FASTKD3: variants seen among roughly 807,000 people sequenced by gnomAD.
FASTKD3 encodes the protein FAST kinase domain-containing protein 3, mitochondrial.
Under a neutral mutation model 49.7 loss-of-function variants are expected in FASTKD3, and 47 were observed. The observed-to-expected ratio is 0.95, with a 90% CI of 0.75 to 1.21. The LOEUF (loss-of-function observed/expected upper bound fraction) is 1.21. FASTKD3 is among the 50% of genes most tolerant of loss of function. FASTKD3 has a pLI of 0.00. For synonymous variants in FASTKD3, 284 were observed against 288.6 expected, an observed-to-expected ratio of 0.98 and a Z score of 0.16; for missense variants, 748 against 765.7, an observed-to-expected ratio of 0.98 and a Z score of 0.27.
intron 4 of FASTKD3, 29 bp downstream of exon 4, chr5:7,862,794 A>G (rs1403089584): frequency 6.3e-7 from 1 of 1,580,508 alleles, no homozygotes; most frequent in Non-Finnish European, 8.6e-7. Flanking sequence ...GCTTAGGTTT[A>G]AAACAACAAA....
rs141321021 is a variant in FASTKD3 at position 7,867,823 on chromosome 5, G to A, written c.261C>T (p.Cys87=). Residue 87 remains cysteine (C), a synonymous_variant, in exon 2 of 7, where the codon TGC becomes TGT. Transcript: ENST00000264669. ...GGPVFSQVSD[C]DRLEQNVKNE... ...TTTTAACATTTTGTTCAAGCCTGTC[G>A]CAGTCAGATACTTGAGAGAACACTG... 50 of 1,613,982 alleles carry A rather than the reference G, an allele frequency of 3.1e-5. No individual in the cohort carries two copies. Among genetic ancestry groups the A allele is most frequent in the African/African-American group, 5.3e-5 (4 of 74,892 alleles).
At position 7,867,336 on chromosome 5, in the gene FASTKD3, T is replaced by G; in HGVS notation, c.748A>C (p.Thr250Pro). 2 of 1,614,050 alleles carry G rather than the reference T, an allele frequency of 1.2e-6. No individual in the cohort carries two copies. Among genetic ancestry groups the G allele is most frequent in the Non-Finnish European group, 1.7e-6 (2 of 1,180,032 alleles). ...INQLQGEKLETFTPEDIVALY... is the reference protein window; with the variant it reads ...INQLQGEKLEPFTPEDIVALY... The stretch of plus-strand genomic sequence containing the variant: ...GCCACAATATCCTCCGGGGTAAATG[T>G]TTCCAATTTTTCACCTTGAAGTTGA... The change falls in exon 2 of 7, where the codon ACA becomes CCA. Residue 250 changes from threonine to proline, a missense_variant. Transcript: ENST00000264669.
In FASTKD3 at chr5:7,866,754, G is replaced by A. The variant is rs1161516741; in HGVS notation, c.1330C>T (p.Pro444Ser). ...NVLFTHFNYF[P>S]PKSLLKLLHS... is the part of the protein sequence containing the mutation. Reference sequence around the variant, plus strand: ...AGAAGTTTCAATAATGATTTGGGTGGAAAATAATTGAAATGAGTGAATAGC... The same window carrying A: ...AGAAGTTTCAATAATGATTTGGGTGAAAAATAATTGAAATGAGTGAATAGC... Residue 444 changes from proline (P) to serine (S), a missense_variant, in exon 2 of 7, where the codon CCA (proline) becomes TCA (serine). By Grantham distance (74) the Pro-to-Ser change is moderately conservative. This residue lies in a region of FASTKD3 where 564 missense variants were observed against 562.8 expected (regional missense o/e 1.00). Transcript: ENST00000264669. 1 of 1,614,028 alleles carries A rather than the reference G, an allele frequency of 6.2e-7. No homozygotes were observed. Among genetic ancestry groups the A allele is most frequent in the Admixed American group, 1.7e-5 (1 of 60,022 alleles).
intron 2 of FASTKD3, 149 bp from the exon 3 acceptor site, chr5:7,866,132 T>C (rs1746929772): frequency 3.3e-6 from 2 of 605,534 alleles, no homozygotes; most frequent in Non-Finnish European, 5.8e-6. Flanking sequence ...TAGAATTAAT[T>C]ATGCCCTCCT....
intron 3 of FASTKD3, among the ~76,000 whole-genome samples, chr5:7,865,581 T>C (rs1161459705): frequency 4.6e-5 from 7 of 152,206 alleles, no homozygotes; most frequent in African/African-American, 1.7e-4. Context: ...AACAAACAGC[T>C]ATGGGAAACC....
intron 4 of FASTKD3, 114 bp downstream of exon 4, chr5:7,862,709 G>A: frequency 1.1e-6 from 1 of 891,344 alleles, no homozygotes; most frequent in East Asian, 2.4e-5. Context: ...TTCAGGGAAG[G>A]GACCATTCCA....
At position 7,861,594 on chromosome 5, in the gene FASTKD3, A is replaced by C. The variant is rs1429954981; in HGVS notation, c.1758T>G (p.Asp586Glu). ...GFVLPSTANE[D>E]IHKRIALCID... Reference sequence around the variant, plus strand: ...ACATTTTCCTGTACCTTTTATGGATATCTTCATTAGCTGTGGATGGCAATA... The same window carrying C: ...ACATTTTCCTGTACCTTTTATGGATCTCTTCATTAGCTGTGGATGGCAATA... Residue 586 changes from aspartate (D) to glutamate (E), a missense_variant, in exon 5 of 7, where the codon GAT becomes GAG. By Grantham distance (45) the Asp-to-Glu change is conservative. This residue lies in a region of FASTKD3 where 178 missense variants were observed against 182.2 expected (regional missense o/e 0.98). Transcript: ENST00000264669. 6.3e-7 allele frequency: 1 copy of C among 1,592,190 alleles called. No homozygotes were observed. The highest frequency in any genetic ancestry group is 1.3e-5 in the African/African-American group (1 of 74,220).
rs547016361 is a variant in FASTKD3 at position 7,862,765 on chromosome 5, C to G, written c.1699+58G>C. ...TCTATTGCTTCTAAGTCCCATATAT[C>G]TCCAAAATCGAACAGGATGCTTAGG... On this transcript the variant is annotated intron_variant, in intron 4 of 6. Transcript: ENST00000264669. 1.4e-5 allele frequency: 20 copies of G among 1,440,096 alleles called. No homozygotes were observed. In the South Asian group the frequency reaches 2.2e-4, roughly 16 times the overall value. The allele number at this position is 1,440,096 out of a possible 1,614,324, so 89.2% of individuals were successfully genotyped here.
chr5:7,861,696 C>T (rs377694398), intron 4 of FASTKD3, 44 bp from the exon 5 acceptor site: 1 of 1,584,926 alleles, frequency 6.3e-7, no homozygotes. Flanking sequence ...GATACCCTCA[C>T]AAACACTATC....
chr5:7,865,650 G>A (rs570652725), intron 3 of FASTKD3, among the ~76,000 whole-genome samples: 2 of 152,292 alleles, frequency 1.3e-5, no homozygotes, highest in African/African-American at 4.8e-5. Context: ...GAGAAATACT[G>A]TAACTCACAT....
chr5:7,864,529 A>C (rs1044693689), intron 3 of FASTKD3, among the ~76,000 whole-genome samples: 3 of 152,220 alleles, frequency 2.0e-5, no homozygotes, highest in African/African-American at 7.2e-5. Context: ...AATAGTTAAT[A>C]TCTGTTTTAC....
Position 7,862,872 on chromosome 5 carries a change from T to G in FASTKD3, c.1650A>C (p.Ala550=). 6.2e-7 allele frequency: 1 copy of G among 1,614,028 alleles called. No individual in the cohort carries two copies. Among genetic ancestry groups the G allele is most frequent in the Non-Finnish European group, 8.5e-7 (1 of 1,179,944 alleles). Residue 550 remains alanine (A), a synonymous_variant, in exon 4 of 7, where the codon GCA becomes GCC. Coordinates refer to ENST00000264669, the MANE Select transcript of FASTKD3 (RefSeq NM_024091.4). ...ACACTTTTGGAGCAAAATATAATCT[T>G]GCTCCTAAAAGGTTAGTCAGCCCAA... ...VKIGLTNLLG[A]RLYFAPKVLT...
At chr5:7,860,327 CCTT>C (rs1370754264) in intron 6 of FASTKD3, among the ~76,000 whole-genome samples, 4 of 152,248 alleles carry the variant, frequency 2.6e-5, no homozygotes, top group African/African-American at 9.6e-5. Flanking sequence ...TCACATAAGA[CCTT>C]CTTACATTAT....
chr5:7,867,438 G>C lies in FASTKD3; in HGVS notation c.646C>G (p.Arg216Gly), dbSNP rs201089424. 11 of 1,614,136 alleles carry C rather than the reference G, an allele frequency of 6.8e-6. No homozygotes were observed. The highest frequency in any genetic ancestry group is 9.3e-6 in the Non-Finnish European group (11 of 1,180,052). Residue 216 changes from arginine to glycine, a missense_variant, in exon 2 of 7, where the codon CGC (arginine) becomes GGC (glycine). This residue lies in a region of FASTKD3 where 564 missense variants were observed against 562.8 expected (regional missense o/e 1.00). Coordinates refer to ENST00000264669, the MANE Select transcript of FASTKD3 (RefSeq NM_024091.4). ...CTTTCCCCAAGAATACAAAGATTGC[G>C]AACTTCCATGCCACCTTTTCTGAGA... The part of the protein sequence containing the change: ...NRLRKGGMEV[R>G]NLCILGESLI...
Position 7,859,428 on chromosome 5 carries a change from T to A in FASTKD3, c.*7A>T, listed in dbSNP as rs1260270696. ...TTCTTCCATTGTTTGAGTTCTGAAG[T>A]CAGTATTCATTCTTGCAACCAATGA... On this transcript the variant is annotated 3_prime_UTR_variant, in exon 7 of 7. Transcript: ENST00000264669. 6.5e-7 allele frequency: 1 copy of A among 1,549,780 alleles called. No homozygotes were observed. Among genetic ancestry groups the A allele is most frequent in the African/African-American group, 1.4e-5 (1 of 73,136 alleles).
intron 6 of FASTKD3, among the ~76,000 whole-genome samples, chr5:7,860,251 A>G (rs1042455213): frequency 6.6e-6 from 1 of 152,322 alleles, no homozygotes; most frequent in East Asian, 1.9e-4. Flanking sequence ...ATGAAACCAC[A>G]GTGCTGCCTA....
chr5:7,860,481 A>T (rs1746459418), intron 6 of FASTKD3, among the ~76,000 whole-genome samples: 1 of 152,254 alleles, frequency 6.6e-6, no homozygotes, highest in African/African-American at 2.4e-5. Context: ...GAGTAATTCT[A>T]AAAGCAGGGT....
At position 7,859,212 on chromosome 5, in the gene FASTKD3, T is replaced by C. The variant is rs546080575; in HGVS notation, c.*223A>G. The C allele has an allele frequency of 1.1e-3, 336 of 314,420 alleles. 1 individual carries two copies. Among genetic ancestry groups the C allele is most frequent in the Non-Finnish European group, 1.5e-3 (264 of 174,160 alleles). The allele number at this position is 314,420 out of a possible 1,614,324, so 19.5% of individuals were successfully genotyped here. A position where few individuals can be genotyped will look rare whatever the true frequency, so the allele number is the denominator to read the frequency against. On this transcript the variant is annotated 3_prime_UTR_variant, in exon 7 of 7. Coordinates refer to ENST00000264669, the MANE Select transcript of FASTKD3 (RefSeq NM_024091.4). ...TTCCTTTACAGCACATGATCAATTG[T>C]TTGATGTACAAAAAGTATCTATGAC...
chr5:7,867,924 C>T lies in FASTKD3; in HGVS notation c.160G>A (p.Gly54Arg), dbSNP rs1561115135. ...CAATGGGCATGATGGAATTTGACCCCGAAAGGCTCAGGTTGTCGTGAACAC... is the reference window on the plus strand; with the variant it reads ...CAATGGGCATGATGGAATTTGACCCTGAAAGGCTCAGGTTGTCGTGAACAC... ...WLCSRQPEPFGVKFHHAHCKK... is the reference protein window; with the variant it reads ...WLCSRQPEPFRVKFHHAHCKK... The change falls in exon 2 of 7, where the codon GGG becomes AGG. Residue 54 changes from glycine to arginine, a missense_variant. This residue lies in a region of FASTKD3 where 564 missense variants were observed against 562.8 expected (regional missense o/e 1.00). Coordinates refer to ENST00000264669, the MANE Select transcript of FASTKD3 (RefSeq NM_024091.4). 5 of 1,614,038 alleles carry T rather than the reference C, an allele frequency of 3.1e-6. No individual in the cohort carries two copies. The highest frequency in any genetic ancestry group is 4.2e-6 in the Non-Finnish European group (5 of 1,179,996).
Sources: gnomAD v4.1 joint callset for allele counts (sites outside exome capture counted in the v4.1 genomes callset) on GRCh38, gnomAD v4.1.1 for gene constraint, gnomAD v4.1.1 regional missense constraint, MANE v1.5 for transcripts, NCBI Gene and HGNC (gene_info 2026-07-23, HGNC 2026-07-21) for gene names.